Variants in THOC1 observed in about 807,000 individuals in gnomAD.
THOC1 encodes the protein THO complex subunit 1, also known as THO complex 1.
THOC1 carries 29 observed loss-of-function variants against 97.3 expected under a neutral mutation model. The ratio of observed to expected loss-of-function variants is 0.30; its 90% CI spans 0.22 to 0.41. THOC1 has a LOEUF of 0.41. THOC1 is among the 10% of genes least tolerant of loss of function. The pLI, the probability that THOC1 is intolerant of heterozygous loss-of-function variation, is 1.00. For missense variants in THOC1, 529 were observed against 761.9 expected, an observed-to-expected ratio of 0.69 and a Z score of 3.60; for synonymous variants, 255 against 257.0, an observed-to-expected ratio of 0.99 and a Z score of 0.07.
intron 1 of THOC1, among the ~76,000 whole-genome samples, chr18:267,348 A>T (rs998089075): frequency 1.3e-5 from 2 of 152,214 alleles, no homozygotes; most frequent in Non-Finnish European, 2.9e-5. Flanking sequence ...TGTTACTCTA[A>T]TAGTTAAATG....
chr18:255,782 A>G (rs1912418742), intron 7 of THOC1, among the ~76,000 whole-genome samples: 1 of 152,242 alleles, frequency 6.6e-6, no homozygotes, highest in African/African-American at 2.4e-5. Context: ...TTCAAGGGAC[A>G]GGCTGACTCT....
chr18:248,944 A>G (rs1273907295), intron 9 of THOC1, among the ~76,000 whole-genome samples: 11 of 151,870 alleles, frequency 7.2e-5, no homozygotes, highest in East Asian at 3.9e-4. Flanking sequence ...TAGAGACAGC[A>G]TTTCACCGTG....
At chr18:248,360 G>A (rs181999299) in intron 9 of THOC1, among the ~76,000 whole-genome samples, 198 of 152,228 alleles carry the variant, frequency 1.3e-3, no homozygotes, top group African/African-American at 4.6e-3. Context: ...AGATGTGAGC[G>A]TGAGCCACCT....
At chr18:252,175 G>A (rs1329992696) in intron 9 of THOC1, among the ~76,000 whole-genome samples, 1 of 152,162 alleles carries the variant, frequency 6.6e-6, no homozygotes, top group Non-Finnish European at 1.5e-5. Flanking sequence ...AGGAGGAAAG[G>A]CTTCTTAACT....
chr18:265,158 T>C (rs1912722963), intron 3 of THOC1, 145 bp downstream of exon 3: 1 of 651,768 alleles, frequency 1.5e-6, no homozygotes, highest in East Asian at 2.8e-5. Flanking sequence ...AGAAATCGTA[T>C]AGTCATCAAG....
rs148037210 is a variant in THOC1 at position 260,473 on chromosome 18, T to C, written c.257-169A>G. The C allele has an allele frequency of 2.5e-3, 1,165 of 458,270 alleles. 33 individuals are homozygous for C. In the East Asian group the frequency reaches 0.039, roughly 15 times the overall value. 28.4% of individuals were successfully genotyped at this position (458,270 alleles called of 1,614,324 possible). Reference sequence around the variant, plus strand: ...CTAAAAGTCCCCAAATAGGACATACTTAAGTAATTTTTGATATGTGCACTC... The same window carrying C: ...CTAAAAGTCCCCAAATAGGACATACCTAAGTAATTTTTGATATGTGCACTC... On this transcript the variant is annotated intron_variant, in intron 4 of 20. Coordinates refer to ENST00000261600, the MANE Select transcript of THOC1 (RefSeq NM_005131.3).
At position 253,265 on chromosome 18, in the gene THOC1, T is replaced by C. The variant is rs187299682; in HGVS notation, c.604-653A>G. Among the ~76,000 whole-genome samples, 677 of 152,280 alleles carry C rather than the reference T, an allele frequency of 4.4e-3. 1 individual carries two copies. The highest frequency in any genetic ancestry group is 6.9e-3 in the Non-Finnish European group (468 of 68,018). On this transcript the variant is annotated intron_variant, in intron 8 of 20. Coordinates refer to ENST00000261600, the MANE Select transcript of THOC1 (RefSeq NM_005131.3). ...ATATATTTTAACCCAGTAATTTTACTTACTGGAATTTATCCTAAAAAGACA... is the reference window on the plus strand; with the variant it reads ...ATATATTTTAACCCAGTAATTTTACCTACTGGAATTTATCCTAAAAAGACA...
At position 237,063 on chromosome 18, in the gene THOC1, G is replaced by C. The variant is rs148443583; in HGVS notation, c.918+9261C>G. ...CAAAAAAGTATTAAGTCTCTGAAAA[G>C]AACACAGCTCTACAGTTTCTACTGT... is the stretch of plus-strand genomic sequence containing the variant. On this transcript the variant is annotated intron_variant, in intron 11 of 20. Transcript: ENST00000261600. 9.8e-3 allele frequency among the ~76,000 whole-genome samples: 1,483 copies of C among 151,432 alleles called. 9 individuals carry two copies. Among genetic ancestry groups the C allele is most frequent in the South Asian group, 0.016 (77 of 4,788 alleles).
rs1002759312 is a variant in THOC1, at chr18:263,167, G to A, written c.256+859C>T. Among the ~76,000 whole-genome samples, 6 of 152,038 alleles carry A rather than the reference G, an allele frequency of 3.9e-5. No homozygotes were observed. The South Asian group carries it at 6.2e-4, about 16-fold the overall frequency. On this transcript the variant is annotated intron_variant, in intron 4 of 20. Transcript: ENST00000261600. ...TCGAGCTCAGCTCACTGCAAGCTCC[G>A]CCTCCCGGGTTCACACCATTCTCCT...
intron 5 of THOC1, 98 bp from the exon 6 acceptor site, chr18:259,828 C>T (rs1258877499): frequency 2.5e-6 from 2 of 798,492 alleles, no homozygotes; most frequent in East Asian, 3.0e-5. Context: ...CACTAACATG[C>T]ACTGAGAATC....
intron 12 of THOC1, chr18:226,465 A>G: frequency 9.6e-6 from 2 of 208,988 alleles, no homozygotes; most frequent in Non-Finnish European, 1.9e-5. Context: ...GATATGTATT[A>G]CTGGCTTAGT....
intron 7 of THOC1, among the ~76,000 whole-genome samples, chr18:256,247 C>A (rs1039894518): frequency 2.6e-5 from 4 of 152,120 alleles, no homozygotes; most frequent in African/African-American, 9.7e-5. Context: ...GGAACTCCTT[C>A]TGGAAAGGAC....
intron 11 of THOC1, among the ~76,000 whole-genome samples, chr18:236,853 C>A (rs1291439263): frequency 3.9e-5 from 6 of 152,062 alleles, no homozygotes; most frequent in African/African-American, 1.4e-4. Context: ...TGAGTTAGTT[C>A]AGAATGTTTT....
At chr18:223,623 A>T in intron 16 of THOC1, 118 bp from the exon 17 acceptor site, 1 of 752,784 alleles carries the variant, frequency 1.3e-6, no homozygotes, top group Non-Finnish European at 2.1e-6. Flanking sequence ...TGACAGTATG[A>T]GTTTTACTTT....
chr18:259,645 A>G (rs1232025619), intron 6 of THOC1, 37 bp downstream of exon 6: 1 of 1,466,808 alleles, frequency 6.8e-7, no homozygotes, highest in Admixed American at 2.2e-5. Context: ...GCATATTTAC[A>G]CTTAAAAAGC....
chr18:224,233 TAGA>T (rs764685782), intron 15 of THOC1, 54 bp from the exon 16 acceptor site: 3 of 1,266,848 alleles, frequency 2.4e-6, no homozygotes, highest in African/African-American at 3.0e-5. Context: ...ATAACAGAAA[TAGA>T]AGAATGTTTA....
intron 11 of THOC1, among the ~76,000 whole-genome samples, chr18:232,039 GCAGT>G (rs1395070740): frequency 6.6e-6 from 1 of 152,180 alleles, no homozygotes; most frequent in Non-Finnish European, 1.5e-5. Context: ...CAGAGCAAAA[GCAGT>G]CAGAGACAAT....
intron 15 of THOC1, 48 bp from the exon 16 acceptor site, chr18:224,227 C>G (rs764849118): frequency 5.4e-6 from 7 of 1,299,210 alleles, no homozygotes; most frequent in Non-Finnish European, 7.6e-6. Context: ...AAATGGATAA[C>G]AGAAATAGAA....
intron 11 of THOC1, among the ~76,000 whole-genome samples, chr18:243,545 AATATAT>A (rs907558704): frequency 2.0e-5 from 3 of 151,076 alleles, no homozygotes; most frequent in Admixed American, 1.3e-4. Flanking sequence ...CTCAAAAAAA[AATATAT>A]ATATATATAT....
Sources: allele counts gnomAD v4.1 joint callset (sites outside exome capture counted in the v4.1 genomes callset), GRCh38; gene constraint gnomAD v4.1.1; transcripts MANE v1.5; gene names NCBI Gene and HGNC (gene_info 2026-07-23, HGNC 2026-07-21).